Variants in RORA observed in about 807,000 individuals in gnomAD.
RORA encodes nuclear receptor ROR-alpha.
Under a neutral mutation model 69.5 loss-of-function variants are expected in RORA, and 7 were observed. The observed-to-expected ratio is 0.10, with a 90% confidence interval of 0.06 to 0.19. RORA has a LOEUF of 0.19. Among genes scored for constraint, RORA ranks in the 10% least tolerant of loss-of-function variants. The probability of loss-of-function intolerance (pLI) is 1.00; values close to 1 mark genes in which losing one functional copy is unlikely to be tolerated. For missense variants in RORA, 457 were observed against 663.0 expected (o/e 0.69, Z 3.41); for synonymous variants, 261 against 240.8 (o/e 1.08, Z -0.78).
chr15:60,540,465 C>G (rs564828990), intron 2 of RORA, among the ~76,000 whole-genome samples: 3 of 151,814 alleles, frequency 2.0e-5, no homozygotes, highest in Non-Finnish European at 4.4e-5. Context: ...GAGAAAACCA[C>G]TCCACTTTGC....
intron 1 of RORA, among the ~76,000 whole-genome samples, chr15:60,846,229 T>C (rs1595762691): frequency 6.6e-6 from 1 of 152,236 alleles, no homozygotes; most frequent in Admixed American, 6.5e-5. Context: ...AGGGCTCAGG[T>C]CTACTCGCTT....
intron 1 of RORA, among the ~76,000 whole-genome samples, chr15:60,699,490 A>G (rs2070952162): frequency 6.6e-6 from 1 of 152,188 alleles, no homozygotes; most frequent in Non-Finnish European, 1.5e-5. Flanking sequence ...AAAAATCAGG[A>G]TATCAAAAAG....
rs1168663714 is a variant in RORA, at chr15:61,066,418, CT to C, written c.166+162634del. ...AATTGTGGGAAGACAGGGCATATTCCTTTTTTTTTTTTTTTTTTTTTTTTTG... is the reference window on the plus strand; with the variant it reads ...AATTGTGGGAAGACAGGGCATATTCCTTTTTTTTTTTTTTTTTTTTTTTTG... On this transcript the variant is annotated intron_variant, in intron 1 of 10. Coordinates refer to ENST00000335670, the MANE Select transcript of RORA (RefSeq NM_134261.3). Among the ~76,000 whole-genome samples the C allele has an allele frequency of 3.5e-3, 284 of 80,968 alleles. 1 individual carries two copies. The highest frequency in any genetic ancestry group is 0.012 in the Middle Eastern group (1 of 86). The allele number at this position is 80,968 out of a possible 152,430, so 53.1% of individuals were successfully genotyped here.
At chr15:60,965,252 G>A (rs548749436) in intron 1 of RORA, among the ~76,000 whole-genome samples, 1 of 152,082 alleles carries the variant, frequency 6.6e-6, no homozygotes, top group Non-Finnish European at 1.5e-5. Context: ...GGAGCTCATG[G>A]TCCACCCTTC....
chr15:60,559,256 T>C (rs546585815), intron 2 of RORA, among the ~76,000 whole-genome samples: 28 of 152,334 alleles, frequency 1.8e-4, no homozygotes, highest in Middle Eastern at 6.8e-3. Flanking sequence ...GCCCCAACAC[T>C]AAATGGCCCT....
intron 2 of RORA, among the ~76,000 whole-genome samples, chr15:60,672,780 A>G (rs749060608): frequency 5.9e-4 from 90 of 152,300 alleles, no homozygotes; most frequent in Non-Finnish European, 1.0e-3. Flanking sequence ...ATTAAACACA[A>G]TGCTTCGAAT....
intron 1 of RORA, among the ~76,000 whole-genome samples, chr15:60,804,890 GA>G: frequency 6.6e-6 from 1 of 152,168 alleles, no homozygotes; most frequent in Non-Finnish European, 1.5e-5. Context: ...GAAGAAACCA[GA>G]AACCTAAAAT....
intron 1 of RORA, among the ~76,000 whole-genome samples, chr15:60,723,368 C>T (rs576076305): frequency 1.4e-4 from 21 of 146,962 alleles, no homozygotes; most frequent in South Asian, 6.5e-4. Context: ...GTGATCCTAT[C>T]AAAACCATTC....
chr15:60,877,663 C>T (rs2073633111), intron 1 of RORA, among the ~76,000 whole-genome samples: 1 of 152,122 alleles, frequency 6.6e-6, no homozygotes. Flanking sequence ...AATAACAAAT[C>T]CATTACAAAT....
chr15:60,910,112 A>T (rs1891662131), intron 1 of RORA, among the ~76,000 whole-genome samples: 1 of 152,212 alleles, frequency 6.6e-6, no homozygotes, highest in Non-Finnish European at 1.5e-5. Flanking sequence ...GTTTTTGTCC[A>T]TAGGATGTCC....
chr15:60,523,634 A>G (rs2066252112), intron 3 of RORA, among the ~76,000 whole-genome samples: 1 of 152,104 alleles, frequency 6.6e-6, no homozygotes, highest in Admixed American at 6.5e-5. Context: ...ATTCACCCAA[A>G]GTTGTGGTTT....
intron 1 of RORA, among the ~76,000 whole-genome samples, chr15:61,201,447 T>C (rs1271164539): frequency 6.6e-6 from 1 of 152,158 alleles, no homozygotes; most frequent in Non-Finnish European, 1.5e-5. Flanking sequence ...GGTGAAGATA[T>C]GAAACAGGAG....
At chr15:61,100,059 A>G (rs1175314062) in intron 1 of RORA, among the ~76,000 whole-genome samples, 1 of 152,110 alleles carries the variant, frequency 6.6e-6, no homozygotes, top group Non-Finnish European at 1.5e-5. Flanking sequence ...AAAGAGCCAG[A>G]AATTGTCTCC....
At chr15:61,088,756 T>A (rs557801931) in intron 1 of RORA, among the ~76,000 whole-genome samples, 1 of 152,260 alleles carries the variant, frequency 6.6e-6, no homozygotes, top group South Asian at 2.1e-4. Flanking sequence ...ACTCATTCTG[T>A]ACAGCAAGAA....
chr15:60,827,895 T>TAA (rs2072987560), intron 1 of RORA, among the ~76,000 whole-genome samples: 1 of 152,240 alleles, frequency 6.6e-6, no homozygotes, highest in African/African-American at 2.4e-5. Context: ...AGATGTTTTA[T>TAA]AGACAGCCAG....
chr15:60,929,643 T>G (rs1488387787), intron 1 of RORA, among the ~76,000 whole-genome samples: 1 of 152,190 alleles, frequency 6.6e-6, no homozygotes, highest in Non-Finnish European at 1.5e-5. Context: ...TGGGAAATCT[T>G]ACAGTGGAGT....
At chr15:60,527,753 A>C (rs2066407159) in intron 3 of RORA, among the ~76,000 whole-genome samples, 1 of 152,220 alleles carries the variant, frequency 6.6e-6, no homozygotes, top group African/African-American at 2.4e-5. Context: ...AGTCCTTAAA[A>C]ATTTGAGGAT....
chr15:60,963,060 A>G (rs1012339455), intron 1 of RORA, among the ~76,000 whole-genome samples: 20 of 152,266 alleles, frequency 1.3e-4, no homozygotes, highest in Non-Finnish European at 5.9e-5. Flanking sequence ...ATAAGCAGCA[A>G]TCATACTGTG....
chr15:60,825,557 G>C (rs535330025), intron 1 of RORA, among the ~76,000 whole-genome samples: 23 of 152,278 alleles, frequency 1.5e-4, no homozygotes, highest in African/African-American at 5.5e-4. Flanking sequence ...AGGCATTATA[G>C]TGAAATCCTA....
Sources: allele counts gnomAD v4.1 joint callset (sites outside exome capture counted in the v4.1 genomes callset), GRCh38; gene constraint gnomAD v4.1.1; transcripts MANE v1.5; gene names NCBI Gene and HGNC (gene_info 2026-07-23, HGNC 2026-07-21).